PDE1C: variants seen among roughly 807,000 people sequenced by gnomAD.
PDE1C encodes the protein phosphodiesterase 1C.
Under a neutral mutation model 93.1 loss-of-function variants are expected in PDE1C, and 62 were observed. The observed-to-expected ratio is 0.67, with a 90% confidence interval of 0.54 to 0.82. The LOEUF is 0.82. PDE1C is among the 40% of genes least tolerant of loss of function. PDE1C has a pLI of 0.00. For missense variants in PDE1C, 742 were observed against 884.6 expected (o/e 0.84, Z 2.04); for synonymous variants, 325 against 310.1 (o/e 1.05, Z -0.50).
At chr7:32,183,949 T>C (rs1468028002) in intron 2 of PDE1C, among the ~76,000 whole-genome samples, 1 of 151,730 alleles carries the variant, frequency 6.6e-6, no homozygotes, top group Non-Finnish European at 1.5e-5. Flanking sequence ...TCAAACAAAT[T>C]TACAAGAAAA....
intron 2 of PDE1C, among the ~76,000 whole-genome samples, chr7:31,917,107 C>G (rs1802021755): frequency 6.6e-6 from 1 of 152,116 alleles, no homozygotes; most frequent in Admixed American, 6.6e-5. Flanking sequence ...GGTATACCTC[C>G]TATCCAGCCA....
At chr7:31,784,795 T>C (rs1783748274) in intron 16 of PDE1C, 1 of 152,152 alleles carries the variant, frequency 6.6e-6, no homozygotes, top group African/African-American at 2.4e-5. Context: ...AAAAATATCA[T>C]CAAAGCAAGA....
intron 3 of PDE1C, among the ~76,000 whole-genome samples, chr7:32,143,382 G>C (rs1292218439): frequency 1.3e-5 from 2 of 151,142 alleles, no homozygotes; most frequent in Admixed American, 1.3e-4. Context: ...CTGACCTAGG[G>C]AACAGCGAGA....
intron 6 of PDE1C, among the ~76,000 whole-genome samples, chr7:31,866,357 T>G (rs1321993270): frequency 1.3e-5 from 2 of 152,172 alleles, no homozygotes; most frequent in Non-Finnish European, 2.9e-5. Context: ...ATTACCATTT[T>G]TAAAAATAAA....
At chr7:32,149,413 G>A (rs747776121) in intron 3 of PDE1C, among the ~76,000 whole-genome samples, 5 of 152,112 alleles carry the variant, frequency 3.3e-5, no homozygotes, top group Non-Finnish European at 7.4e-5. Context: ...CTGCTCATCT[G>A]GGCAATTCCA....
intron 1 of PDE1C, among the ~76,000 whole-genome samples, chr7:32,251,605 T>C (rs1809384351): frequency 6.6e-6 from 1 of 151,904 alleles, no homozygotes. Flanking sequence ...GCCTCAAGAG[T>C]TGTCTCTCCC....
chr7:32,275,159 C>T (rs1811199522), intron 1 of PDE1C, among the ~76,000 whole-genome samples: 1 of 152,166 alleles, frequency 6.6e-6, no homozygotes, highest in South Asian at 2.1e-4. Flanking sequence ...CAGGGGCTTC[C>T]CCTAAAGATG....
At chr7:32,308,995 C>T (rs1478353888) in intron 1 of PDE1C, among the ~76,000 whole-genome samples, 1 of 151,472 alleles carries the variant, frequency 6.6e-6, no homozygotes, top group Middle Eastern at 3.2e-3. Flanking sequence ...AAGTTAAAAA[C>T]TGTGAAAAAA....
intron 1 of PDE1C, among the ~76,000 whole-genome samples, chr7:32,370,764 T>C (rs543308199): frequency 2.9e-4 from 43 of 148,242 alleles, no homozygotes; most frequent in African/African-American, 9.6e-4. Flanking sequence ...TGTGCACATG[T>C]ACCCTAGAAC....
intron 2 of PDE1C, among the ~76,000 whole-genome samples, chr7:32,193,528 T>C (rs1381796189): frequency 6.6e-6 from 1 of 152,224 alleles, no homozygotes. Context: ...GACTTTGTTT[T>C]ATATATTATT....
At chr7:31,967,252 A>AT (rs1810147649) in intron 2 of PDE1C, among the ~76,000 whole-genome samples, 1 of 152,208 alleles carries the variant, frequency 6.6e-6, no homozygotes, top group Admixed American at 6.5e-5. Context: ...AATCAAACAG[A>AT]CGCAATAAAA....
At chr7:31,681,622 A>G in the PDE1C span, among the ~76,000 whole-genome samples, 5 of 152,154 alleles carry the variant, frequency 3.3e-5, no homozygotes, top group Middle Eastern at 3.4e-3. Context: ...TCTCATTTCC[A>G]TCAGATTATG....
chr7:32,213,776 T>A (rs1372348214), intron 1 of PDE1C, among the ~76,000 whole-genome samples: 1 of 152,232 alleles, frequency 6.6e-6, no homozygotes, highest in Non-Finnish European at 1.5e-5. Flanking sequence ...ATCTATGCCA[T>A]ACTGCTCACA....
At chr7:32,147,304 G>GAAAGAAAGAAAGAAAGAAGGAAA (rs1800942659) in intron 3 of PDE1C, among the ~76,000 whole-genome samples, 1 of 142,380 alleles carries the variant, frequency 7.0e-6, no homozygotes, top group Non-Finnish European at 1.5e-5. Flanking sequence ...AAGAAAGAAA[G>GAAAGAAAGAAAGAAAGAAGGAAA]AAAGAAAGAA....
At chr7:32,237,870 A>G (rs1279795844) in intron 1 of PDE1C, among the ~76,000 whole-genome samples, 2 of 150,312 alleles carry the variant, frequency 1.3e-5, no homozygotes, top group African/African-American at 4.9e-5. Flanking sequence ...TCCTGGGTTC[A>G]AGCAATTCTC....
At chr7:32,092,517 A>G (rs796642005) in intron 3 of PDE1C, among the ~76,000 whole-genome samples, 4 of 152,294 alleles carry the variant, frequency 2.6e-5, no homozygotes, top group African/African-American at 9.6e-5. Context: ...TAAAAAACAC[A>G]GGCATTTCTG....
intron 2 of PDE1C, among the ~76,000 whole-genome samples, chr7:32,185,154 A>G (rs1314071938): frequency 6.7e-6 from 1 of 149,446 alleles, no homozygotes; most frequent in Non-Finnish European, 1.5e-5. Flanking sequence ...TTAATGCAGG[A>G]GAATCGCTTG....
intron 1 of PDE1C, among the ~76,000 whole-genome samples, chr7:32,323,333 T>C (rs1308639656): frequency 6.6e-6 from 1 of 152,166 alleles, no homozygotes; most frequent in Non-Finnish European, 1.5e-5. Context: ...CAGACTTCAC[T>C]GAATTCAACT....
chr7:32,392,738 T>C (rs960054855), intron 1 of PDE1C, among the ~76,000 whole-genome samples: 3 of 152,090 alleles, frequency 2.0e-5, no homozygotes, highest in Non-Finnish European at 4.4e-5. Flanking sequence ...CCAAATCTAA[T>C]ATCCATTCTG....
Sources: gnomAD v4.1 joint callset for allele counts (sites outside exome capture counted in the v4.1 genomes callset) on GRCh38, gnomAD v4.1.1 for gene constraint, MANE v1.5 for transcripts, NCBI Gene and HGNC (gene_info 2026-07-23, HGNC 2026-07-21) for gene names.